CCDC30: variants seen among roughly 807,000 people sequenced by gnomAD.
CCDC30 encodes coiled-coil domain-containing protein 30.
CCDC30 carries 70 observed loss-of-function variants against 100.2 expected under a neutral mutation model. The ratio of observed to expected loss-of-function variants is 0.70; its 90% CI spans 0.58 to 0.85. The LOEUF (loss-of-function observed/expected upper bound fraction) is 0.85. CCDC30 is among the 40% of genes least tolerant of loss of function. CCDC30 has a pLI of 0.00. For missense variants in CCDC30, 652 were observed against 771.2 expected (o/e 0.85, Z 1.83); for synonymous variants, 233 against 269.5 (o/e 0.86, Z 1.33).
chr1:42,545,610 T>G (rs753943656), intron 6 of CCDC30, 31 bp downstream of exon 9: 10 of 1,559,528 alleles, frequency 6.4e-6, no homozygotes, highest in Non-Finnish European at 8.7e-6. Flanking sequence ...ATCACATTAA[T>G]TATTCAGAGA....
intron 4 of CCDC30, among the ~76,000 whole-genome samples, chr1:42,496,848 G>A (rs953884740): frequency 1.3e-5 from 2 of 152,156 alleles, no homozygotes; most frequent in African/African-American, 4.8e-5. Flanking sequence ...CACTCAAAAA[G>A]TCCAATTCAT....
intron 4 of CCDC30, among the ~76,000 whole-genome samples, chr1:42,490,522 A>C (rs1434169136): frequency 6.6e-6 from 1 of 151,550 alleles, no homozygotes; most frequent in African/African-American, 2.4e-5. Flanking sequence ...TACTACTATT[A>C]TTGCTGTTGC....
chr1:42,595,593 A>T (rs998192434), intron 10 of CCDC30: 1 of 152,188 alleles, frequency 6.6e-6, no homozygotes, highest in Non-Finnish European at 1.5e-5. Context: ...AAGCAAATCC[A>T]TATTTATAAT....
At chr1:42,605,668 G>A (rs1646488105) in intron 10 of CCDC30, among the ~76,000 whole-genome samples, 1 of 151,962 alleles carries the variant, frequency 6.6e-6, no homozygotes, top group Admixed American at 6.6e-5. Context: ...ATTATTGCAT[G>A]TAGAGACAGA....
In CCDC30 at chr1:42,510,302, C is replaced by T. The variant is rs572333009; in HGVS notation, c.456+11386C>T. On this transcript the variant is annotated intron_variant, in intron 6 of 16. Coordinates refer to ENST00000668663, the Ensembl canonical transcript of CCDC30. ...GTCTGCGGAGCTGCCTGGTTTTCAA[C>T]CTTGGTTAGGGTTTGGCTTAGGAAT... is the stretch of plus-strand genomic sequence containing the variant. Among the ~76,000 whole-genome samples the T allele has an allele frequency of 2.6e-5, 4 of 152,270 alleles. No homozygotes were observed. The South Asian group carries it at 8.3e-4, about 32-fold the overall frequency.
At chr1:42,573,690 T>C (rs1056959298) in intron 7 of CCDC30, among the ~76,000 whole-genome samples, 2 of 152,160 alleles carry the variant, frequency 1.3e-5, no homozygotes, top group African/African-American at 4.8e-5. Flanking sequence ...AATTTCACCA[T>C]TTAGTATGTT....
intron 4 of CCDC30, among the ~76,000 whole-genome samples, chr1:42,495,874 G>T (rs1644224757): frequency 6.6e-6 from 1 of 152,012 alleles, no homozygotes; most frequent in South Asian, 2.1e-4. Context: ...TTTTTAAGTG[G>T]CCAGTTAACA....
At chr1:42,553,608 A>T (rs533036526) in intron 6 of CCDC30, among the ~76,000 whole-genome samples, 3 of 149,330 alleles carry the variant, frequency 2.0e-5, no homozygotes, top group Non-Finnish European at 4.4e-5. Context: ...GTGAGCTATG[A>T]TCGCCCCACT....
At chr1:42,543,399 G>A (rs1314179215) in intron 6 of CCDC30, among the ~76,000 whole-genome samples, 4 of 151,048 alleles carry the variant, frequency 2.6e-5, no homozygotes, top group Middle Eastern at 6.9e-3. Flanking sequence ...TTGGCTCATT[G>A]CAATCTCCAC....
chr1:42,578,824 CT>C (rs1645898799), intron 8 of CCDC30, among the ~76,000 whole-genome samples: 1 of 152,064 alleles, frequency 6.6e-6, no homozygotes, highest in Non-Finnish European at 1.5e-5. Context: ...CAAATGTCCC[CT>C]GGCAAAAGAT....
chr1:42,531,755 C>CTA (rs1335276637), intron 6 of CCDC30, among the ~76,000 whole-genome samples: 2 of 151,882 alleles, frequency 1.3e-5, no homozygotes, highest in Non-Finnish European at 2.9e-5. Context: ...TGAGATCATA[C>CTA]TATATATATA....
intron 1 of CCDC30, among the ~76,000 whole-genome samples, chr1:42,467,116 A>G (rs965652936): frequency 3.3e-5 from 5 of 152,234 alleles, no homozygotes; most frequent in African/African-American, 1.2e-4. Context: ...ATGAATGGCT[A>G]ATGTCAAGGT....
chr1:42,651,288 G>A (rs923959751), intron 15 of CCDC30, among the ~76,000 whole-genome samples: 1 of 152,200 alleles, frequency 6.6e-6, no homozygotes, highest in African/African-American at 2.4e-5. Context: ...TTAACAGAGT[G>A]AAGAGGCAAC....
At chr1:42,615,764 T>C (rs1354720731) in intron 11 of CCDC30, among the ~76,000 whole-genome samples, 1 of 152,244 alleles carries the variant, frequency 6.6e-6, no homozygotes, top group African/African-American at 2.4e-5. Context: ...ATTATATTGC[T>C]GTCCAGAACC....
At chr1:42,517,557 T>C (rs1042547407) in intron 6 of CCDC30, among the ~76,000 whole-genome samples, 2 of 152,222 alleles carry the variant, frequency 1.3e-5, no homozygotes, top group African/African-American at 4.8e-5. Flanking sequence ...TTAGCTCTTG[T>C]GTTTAGGTCT....
chr1:42,653,341 A>T (rs749950948), intron 15 of CCDC30, 35 bp from the exon 20 acceptor site: 2 of 1,340,840 alleles, frequency 1.5e-6, no homozygotes, highest in Non-Finnish European at 2.1e-6. Context: ...GTTTATCATT[A>T]TAACTTTTCA....
intron 6 of CCDC30, among the ~76,000 whole-genome samples, chr1:42,553,046 T>C (rs923543806): frequency 2.0e-5 from 3 of 152,126 alleles, no homozygotes; most frequent in African/African-American, 7.2e-5. Flanking sequence ...GGCTCCCAAT[T>C]TGGGCTTTGC....
At chr1:42,502,264 G>C (rs1181993548) in intron 6 of CCDC30, among the ~76,000 whole-genome samples, 1 of 152,146 alleles carries the variant, frequency 6.6e-6, no homozygotes, top group Admixed American at 6.5e-5. Context: ...GCCGGGCGTG[G>C]GACCCTCCGA....
At chr1:42,545,364 T>C (rs550898886) in intron 6 of CCDC30, 46 bp from the exon 9 acceptor site, 8 of 1,455,392 alleles carry the variant, frequency 5.5e-6, no homozygotes, top group African/African-American at 1.4e-5. Context: ...CAGCTATAAA[T>C]AAAAGTATGC....
Sources: allele counts gnomAD v4.1 joint callset (sites outside exome capture counted in the v4.1 genomes callset), GRCh38; gene constraint gnomAD v4.1.1; transcripts MANE v1.5; gene names NCBI Gene and HGNC (gene_info 2026-07-23, HGNC 2026-07-21).